Variants in GOPC observed in about 807,000 individuals in gnomAD.
The protein encoded by GOPC is Golgi-associated PDZ and coiled-coil motif-containing protein.
GOPC carries 32 observed loss-of-function variants against 51.2 expected under a neutral mutation model. That is an observed-to-expected ratio of 0.63 (90% CI 0.47 to 0.84). The LOEUF (loss-of-function observed/expected upper bound fraction) is 0.84, where lower values mean the gene tolerates loss of function less well. Ranked by LOEUF, GOPC falls within the 40% of genes least tolerant of loss-of-function variation. The pLI is 0.00. For missense variants in GOPC, 441 were observed against 555.5 expected (o/e 0.79, Z 2.07); for synonymous variants, 190 against 205.1 (o/e 0.93, Z 0.63).
At chr6:117,571,022 A>G (rs1245949822) in intron 5 of GOPC, 67 bp from the exon 6 acceptor site, 3 of 702,158 alleles carry the variant, frequency 4.3e-6, no homozygotes, top group Non-Finnish European at 7.3e-6. Flanking sequence ...GAGTAAACTC[A>G]TACTATATAA....
rs146594762 is a variant in GOPC, at chr6:117,593,713, T to C, written c.285+8291A>G. Among the ~76,000 whole-genome samples, 6 of 152,332 alleles carry C rather than the reference T, an allele frequency of 3.9e-5. No homozygotes were observed. In the East Asian group the frequency reaches 1.2e-3, roughly 29 times the overall value. ...TATGTAAAAGACTCAGAAGAGAGGT[T>C]GGCCCATGGTAACTGATCAATAAAG... is the stretch of plus-strand genomic sequence containing the variant. On this transcript the variant is annotated intron_variant, in intron 1 of 8. Coordinates refer to ENST00000368498, the MANE Select transcript of GOPC (RefSeq NM_020399.4).
chr6:117,596,696 G>A (rs1026727919), intron 1 of GOPC, among the ~76,000 whole-genome samples: 5 of 152,116 alleles, frequency 3.3e-5, no homozygotes, highest in African/African-American at 9.7e-5. Flanking sequence ...AAGATCAGTT[G>A]ACTGTAAGTA....
At chr6:117,587,101 C>G (rs1780043919) in intron 1 of GOPC, among the ~76,000 whole-genome samples, 1 of 152,106 alleles carries the variant, frequency 6.6e-6, no homozygotes, top group African/African-American at 2.4e-5. Flanking sequence ...AAATAATACT[C>G]CTCCTTACTT....
intron 8 of GOPC, among the ~76,000 whole-genome samples, chr6:117,565,419 T>A (rs1052847343): frequency 5.9e-5 from 9 of 152,214 alleles, no homozygotes; most frequent in African/African-American, 1.7e-4. Flanking sequence ...ATTTGAAACC[T>A]TATCAGTGAA....
chr6:117,569,442 TAAATC>T (rs1779762240), intron 7 of GOPC, 125 bp downstream of exon 7: 2 of 1,250,970 alleles, frequency 1.6e-6, no homozygotes, highest in Admixed American at 6.2e-5. Context: ...ATAAAAGCAT[TAAATC>T]AAAGGAAACA....
intron 1 of GOPC, among the ~76,000 whole-genome samples, chr6:117,590,954 GC>G (rs779461157): frequency 1.6e-4 from 24 of 152,200 alleles, no homozygotes; most frequent in Non-Finnish European, 3.5e-4. Flanking sequence ...CCAGGTTCAA[GC>G]GATTCTCCTG....
At chr6:117,564,679 CAT>C (rs538408434) in intron 8 of GOPC, among the ~76,000 whole-genome samples, 111 of 152,112 alleles carry the variant, frequency 7.3e-4, no homozygotes, top group African/African-American at 2.6e-3. Flanking sequence ...CTGCAATTTG[CAT>C]ATGTGACAGA....
chr6:117,577,292 GC>G (rs1376317887), intron 3 of GOPC, among the ~76,000 whole-genome samples, 155 bp downstream of exon 3: 2 of 151,996 alleles, frequency 1.3e-5, no homozygotes, highest in Non-Finnish European at 2.9e-5. Context: ...AGAGCAATGG[GC>G]CATCCACTGA....
chr6:117,563,463 T>G (rs1427193124), intron 8 of GOPC, 79 bp from the exon 9 acceptor site: 4 of 1,398,632 alleles, frequency 2.9e-6, no homozygotes, highest in Non-Finnish European at 4.0e-6. Flanking sequence ...GGCTCATACC[T>G]GTAATCCCAG....
intron 8 of GOPC, among the ~76,000 whole-genome samples, 192 bp downstream of exon 8, chr6:117,566,662 A>G (rs1779703362): frequency 6.6e-6 from 1 of 152,198 alleles, no homozygotes; most frequent in Admixed American, 6.5e-5. Flanking sequence ...ACAGTCCAAG[A>G]TGAATATAGA....
chr6:117,563,223 A>G lies in GOPC; in HGVS notation c.*31T>C. 9.4e-6 allele frequency: 15 copies of G among 1,599,538 alleles called. No homozygotes were observed. Among genetic ancestry groups the G allele is most frequent in the Non-Finnish European group, 1.3e-5 (15 of 1,168,256 alleles). ...AGTGCCCCAAATTCAGAATAGTCTG[A>G]TTAACAATCTTGTCTGGAGATATGG... On this transcript the variant is annotated 3_prime_UTR_variant, in exon 9 of 9. Coordinates refer to ENST00000368498, the MANE Select transcript of GOPC (RefSeq NM_020399.4).
In GOPC at chr6:117,563,106, G is replaced by A; in HGVS notation, c.*148C>T. 1 of 671,814 alleles carries A rather than the reference G, an allele frequency of 1.5e-6. No individual in the cohort carries two copies. Among genetic ancestry groups the A allele is most frequent in the Admixed American group, 2.6e-5 (1 of 38,898 alleles). The allele number at this position is 671,814 out of a possible 1,614,324, so 41.6% of individuals were successfully genotyped here. A position where few individuals can be genotyped will look rare whatever the true frequency, so the allele number is the denominator to read the frequency against. ...GAAAACAGGGTGTTTTATGCATTGA[G>A]AATTGTTCACATGAAGCCCTGAGGT... is the stretch of plus-strand genomic sequence containing the variant. On this transcript the variant is annotated 3_prime_UTR_variant, in exon 9 of 9. Coordinates refer to ENST00000368498, the MANE Select transcript of GOPC (RefSeq NM_020399.4).
chr6:117,568,026 CA>C (rs779227271), intron 7 of GOPC, among the ~76,000 whole-genome samples: 1,320 of 46,660 alleles, frequency 0.028, 22 homozygotes, highest in African/African-American at 0.081. Context: ...CCCATCTCTA[CA>C]AAAAAAAAAA....
rs1215780986 is a variant in GOPC, at chr6:117,561,683, A to T, written c.*1571T>A. 4.9e-6 allele frequency: 1 copy of T among 204,440 alleles called. No individual in the cohort carries two copies. The highest frequency in any genetic ancestry group is 2.3e-5 in the African/African-American group (1 of 43,774). The allele number at this position is 204,440 out of a possible 1,614,324, so 12.7% of individuals were successfully genotyped here. ...ATTAAATACTAGCTTTTGCTCAGAG[A>T]CAATGCTATAAAGTATTTTAATGTC... On this transcript the variant is annotated 3_prime_UTR_variant, in exon 9 of 9. Transcript: ENST00000368498.
intron 1 of GOPC, among the ~76,000 whole-genome samples, chr6:117,594,452 A>AT (rs1230318706): frequency 1.3e-5 from 2 of 152,126 alleles, no homozygotes; most frequent in Non-Finnish European, 1.5e-5. Context: ...CAAAGTTGCA[A>AT]TTTCTCATTT....
intron 1 of GOPC, among the ~76,000 whole-genome samples, chr6:117,583,087 C>T (rs1275454530): frequency 6.6e-6 from 1 of 152,122 alleles, no homozygotes; most frequent in African/African-American, 2.4e-5. Context: ...ACTAAAGCAG[C>T]TGGCCAGTTC....
rs143187881 is a variant in GOPC at position 117,560,390 on chromosome 6, C to T, written c.*2864G>A. 58 of 185,176 alleles carry T rather than the reference C, an allele frequency of 3.1e-4. No homozygotes were observed. In the East Asian group the frequency reaches 5.0e-3, roughly 16 times the overall value. 11.5% of individuals were successfully genotyped at this position (185,176 alleles called of 1,614,324 possible). A position where few individuals can be genotyped will look rare whatever the true frequency, so the allele number is the denominator to read the frequency against. On this transcript the variant is annotated 3_prime_UTR_variant, in exon 9 of 9. Transcript: ENST00000368498. ...ATATTAAACTCAACTAGATATAATA[C>T]ATTATCATAAATGCAATAGATTTGA...
Position 117,602,141 on chromosome 6 carries a change from G to T in GOPC, c.148C>A (p.Leu50Met). 1 of 1,614,104 alleles carries T rather than the reference G, an allele frequency of 6.2e-7. No individual in the cohort carries two copies. ...TCTGGATCGATCTCTCCCAGGAGCA[G>T]ATCCACATCCACAAAAGCTTTGTCG... ...EFDKAFVDVDLLLGEIDPDQA... is the reference protein window; with the variant it reads ...EFDKAFVDVDMLLGEIDPDQA... Residue 50 changes from leucine to methionine, a missense_variant, in exon 1 of 9, where the codon CTG becomes ATG. By Grantham distance (15) the Leu-to-Met change is conservative. Transcript: ENST00000368498.
At position 117,563,146 on chromosome 6, in the gene GOPC, T is replaced by C. The variant is rs1779620115; in HGVS notation, c.*108A>G. On this transcript the variant is annotated 3_prime_UTR_variant, in exon 9 of 9. Coordinates refer to ENST00000368498, the MANE Select transcript of GOPC (RefSeq NM_020399.4). ...AGCCCTGAGGTACCCGCCTTTCATTTAGGCAACAAACAGCCTCCCCTGATT... is the reference window on the plus strand; with the variant it reads ...AGCCCTGAGGTACCCGCCTTTCATTCAGGCAACAAACAGCCTCCCCTGATT... 1 of 996,940 alleles carries C rather than the reference T, an allele frequency of 1.0e-6. No individual in the cohort carries two copies. Among genetic ancestry groups the C allele is most frequent in the South Asian group, 1.5e-5 (1 of 65,818 alleles). The allele number at this position is 996,940 out of a possible 1,614,324, so 61.8% of individuals were successfully genotyped here.
Sources: allele counts gnomAD v4.1 joint callset (sites outside exome capture counted in the v4.1 genomes callset), GRCh38; gene constraint gnomAD v4.1.1; transcripts MANE v1.5; gene names NCBI Gene and HGNC (gene_info 2026-07-23, HGNC 2026-07-21).